The following ADAM9 variants were observed in gnomAD, a reference collection of about 807,000 sequenced individuals.
ADAM9 encodes the protein disintegrin and metalloproteinase domain-containing protein 9.
Under a neutral mutation model 108.1 loss-of-function variants are expected in ADAM9, and 54 were observed. The observed-to-expected ratio is 0.50, with a 90% CI of 0.40 to 0.63. ADAM9 has a LOEUF of 0.63. ADAM9 is among the 20% of genes least tolerant of loss of function. The pLI, the probability that ADAM9 is intolerant of heterozygous loss-of-function variation, is 0.00. For synonymous variants in ADAM9, 316 were observed against 336.0 expected (o/e 0.94, Z 0.65); for missense variants, 830 against 997.7 (o/e 0.83, Z 2.26).
rs1836050238 is a variant in ADAM9, at chr8:39,002,936, A to G, written c.98-4950A>G. 2.6e-5 allele frequency among the ~76,000 whole-genome samples: 4 copies of G among 151,810 alleles called. No homozygotes were observed. The South Asian group carries it at 8.3e-4, about 32-fold the overall frequency. On this transcript the variant is annotated intron_variant, in intron 1 of 21. Coordinates refer to ENST00000487273, the MANE Select transcript of ADAM9 (RefSeq NM_003816.3). The stretch of plus-strand genomic sequence containing the variant: ...CACTGCAACCTCCCCCTCCTGGGCT[A>G]AAGTGGTTCTCAGCTCACTGCAACC...
chr8:39,074,783 T>A (rs1463932145), intron 15 of ADAM9, among the ~76,000 whole-genome samples: 1 of 152,144 alleles, frequency 6.6e-6, no homozygotes, highest in Admixed American at 6.6e-5. Flanking sequence ...GACATTGATT[T>A]ATGGAAATGG....
intron 14 of ADAM9, among the ~76,000 whole-genome samples, chr8:39,066,408 C>G (rs1254151808): frequency 6.6e-6 from 1 of 152,222 alleles, no homozygotes; most frequent in South Asian, 2.1e-4. Context: ...TCCTCTCCAG[C>G]ACCTGTTGTT....
intron 14 of ADAM9, among the ~76,000 whole-genome samples, chr8:39,059,742 A>G (rs995908169): frequency 2.0e-5 from 3 of 152,246 alleles, no homozygotes; most frequent in African/African-American, 7.2e-5. Flanking sequence ...GGGATGTCCC[A>G]GAAAGGGGCT....
intron 14 of ADAM9, among the ~76,000 whole-genome samples, chr8:39,058,955 C>A (rs1178301280): frequency 6.6e-6 from 1 of 152,110 alleles, no homozygotes; most frequent in African/African-American, 2.4e-5. Flanking sequence ...GAGAACCTTG[C>A]CCCAGCACTG....
At chr8:39,023,582 A>G (rs1031713192) in intron 9 of ADAM9, among the ~76,000 whole-genome samples, 2 of 151,784 alleles carry the variant, frequency 1.3e-5, no homozygotes, top group Non-Finnish European at 2.9e-5. Flanking sequence ...TTGTGAACGG[A>G]TATATAGAAA....
chr8:39,035,711 G>A lies in ADAM9; in HGVS notation c.1131-6235G>A, dbSNP rs561379128. Among the ~76,000 whole-genome samples the A allele has an allele frequency of 3.9e-5, 6 of 152,234 alleles. No individual in the cohort carries two copies. In the South Asian group the frequency reaches 1.2e-3, roughly 32 times the overall value. ...GGGCGCCTGTAGTCCCAGCTACTGA[G>A]GAGGCTGAGGCAGGCGAATGGCATG... is the stretch of plus-strand genomic sequence containing the variant. On this transcript the variant is annotated intron_variant, in intron 11 of 21. Coordinates refer to ENST00000487273, the MANE Select transcript of ADAM9 (RefSeq NM_003816.3).
chr8:39,065,040 A>G (rs905015500), intron 14 of ADAM9, among the ~76,000 whole-genome samples: 5 of 152,040 alleles, frequency 3.3e-5, no homozygotes, highest in African/African-American at 9.7e-5. Flanking sequence ...GGTACATTCA[A>G]TCTGGGAACT....
chr8:39,014,460 A>C (rs1158104574), intron 4 of ADAM9: 2 of 669,740 alleles, frequency 3.0e-6, no homozygotes, highest in Admixed American at 4.8e-5. Flanking sequence ...TAATGTTCTA[A>C]ATTTTTTCTG....
intron 14 of ADAM9, among the ~76,000 whole-genome samples, chr8:39,069,256 A>G (rs1838598233): frequency 6.6e-6 from 1 of 152,140 alleles, no homozygotes; most frequent in African/African-American, 2.4e-5. Context: ...TTAAAAAAAA[A>G]AAACTACTTT....
chr8:39,025,415 T>G (rs1163923162), intron 9 of ADAM9, among the ~76,000 whole-genome samples: 1 of 152,194 alleles, frequency 6.6e-6, no homozygotes, highest in East Asian at 1.9e-4. Flanking sequence ...CTCCTCATGT[T>G]CACCCTGCTC....
At chr8:39,082,890 T>C in intron 17 of ADAM9, 78 bp from the exon 18 acceptor site, 1 of 1,406,854 alleles carries the variant, frequency 7.1e-7, no homozygotes, top group Non-Finnish European at 1.0e-6. Context: ...TAGTCCTTTC[T>C]CTTGGTTTCC....
chr8:39,090,612 T>G (rs991282781), intron 19 of ADAM9, among the ~76,000 whole-genome samples: 14 of 152,258 alleles, frequency 9.2e-5, no homozygotes, highest in African/African-American at 3.4e-4. Flanking sequence ...AAGCCACCTC[T>G]TTTAATGGGG....
chr8:39,059,703 A>G (rs1008284921), intron 14 of ADAM9, among the ~76,000 whole-genome samples: 2 of 152,234 alleles, frequency 1.3e-5, no homozygotes, highest in African/African-American at 4.8e-5. Flanking sequence ...TTCTTCTCCC[A>G]AGGAAAGTGA....
rs1363946184 is a variant in ADAM9 at position 39,028,709 on chromosome 8, A to C, written c.1130+1899A>C. 3.3e-5 allele frequency among the ~76,000 whole-genome samples: 5 copies of C among 152,228 alleles called. No individual in the cohort carries two copies. In the East Asian group the frequency reaches 9.6e-4, roughly 29 times the overall value. On this transcript the variant is annotated intron_variant, in intron 11 of 21. Coordinates refer to ENST00000487273, the MANE Select transcript of ADAM9 (RefSeq NM_003816.3). ...TTGTTCTCAGCACTTGGAATACCTC[A>C]GTGAGTTAGATCGACTCACCCTTCA...
rs1185358217 is a variant in ADAM9 at position 38,996,976 on chromosome 8, C to G, written c.-88C>G. The G allele has an allele frequency of 2.9e-5, 44 of 1,529,848 alleles. No individual in the cohort carries two copies. The highest frequency in any genetic ancestry group is 3.6e-5 in the Non-Finnish European group (41 of 1,138,498). 94.8% of individuals were successfully genotyped at this position (1,529,848 alleles called of 1,614,324 possible). A position where few individuals can be genotyped will look rare whatever the true frequency, so the allele number is the denominator to read the frequency against. On this transcript the variant is annotated 5_prime_UTR_variant, in exon 1 of 22. Transcript: ENST00000487273. ...CGGGCGCGCGCGCTTCCCGGCCAGA[C>G]TTGGGGCCCCGGCAGGGTTGGAAAA...
intron 18 of ADAM9, among the ~76,000 whole-genome samples, chr8:39,086,913 C>G (rs1839196088): frequency 1.3e-5 from 2 of 152,224 alleles, no homozygotes; most frequent in African/African-American, 4.8e-5. Flanking sequence ...AGATTTCCCA[C>G]TGAATTATAG....
intron 14 of ADAM9, among the ~76,000 whole-genome samples, chr8:39,063,044 G>A (rs2129440045): frequency 6.6e-6 from 1 of 152,290 alleles, no homozygotes; most frequent in East Asian, 1.9e-4. Context: ...AACATTCAAT[G>A]CAGACTGTCT....
chr8:39,058,035 G>C (rs140214192), intron 14 of ADAM9, among the ~76,000 whole-genome samples: 2 of 152,202 alleles, frequency 1.3e-5, no homozygotes, highest in Non-Finnish European at 2.9e-5. Flanking sequence ...ACACTATCCT[G>C]CATGCAACTA....
intron 19 of ADAM9, 23 bp from the exon 20 acceptor site, chr8:39,091,236 T>C (rs1351669308): frequency 1.2e-6 from 2 of 1,603,056 alleles, no homozygotes; most frequent in Non-Finnish European, 1.7e-6. Flanking sequence ...TTAATTTAGA[T>C]CAAAAGTAAT....
Sources: allele counts gnomAD v4.1 joint callset (sites outside exome capture counted in the v4.1 genomes callset), GRCh38; gene constraint gnomAD v4.1.1; transcripts MANE v1.5; gene names NCBI Gene and HGNC (gene_info 2026-07-23, HGNC 2026-07-21).